DIAPH2: variants seen among roughly 807,000 people sequenced by gnomAD.
DIAPH2 encodes protein diaphanous homolog 2.
DIAPH2 carries 35 observed loss-of-function variants against 92.7 expected under a neutral mutation model. The ratio of observed to expected loss-of-function variants is 0.38; its 90% CI spans 0.29 to 0.50. The LOEUF is 0.50. Among genes scored for constraint, DIAPH2 ranks in the 20% least tolerant of loss-of-function variants. The probability of loss-of-function intolerance (pLI) is 0.94; values close to 1 mark genes in which losing one functional copy is unlikely to be tolerated. For synonymous variants in DIAPH2, 301 were observed against 280.4 expected, an observed-to-expected ratio of 1.07 and a Z score of -0.73; for missense variants, 701 against 819.5, an observed-to-expected ratio of 0.86 and a Z score of 1.77.
At chrX:96,687,835 G>C (rs2063779422) in intron 1 of DIAPH2, among the ~76,000 whole-genome samples, 1 of 110,800 alleles carries the variant, frequency 9.0e-6, no homozygotes, top group Admixed American at 9.6e-5. Context: ...TCCTCATAAT[G>C]ACCCTTTTGT....
At chrX:96,753,171 T>G (rs1327227614) in intron 3 of DIAPH2, among the ~76,000 whole-genome samples, 2 of 111,993 alleles carry the variant, frequency 1.8e-5, no homozygotes, top group Admixed American at 1.9e-4. Flanking sequence ...GTTCCAGAGT[T>G]GATTCTACTT....
At chrX:97,173,567 G>T (rs371934908) in intron 22 of DIAPH2, among the ~76,000 whole-genome samples, 1 of 111,266 alleles carries the variant, frequency 9.0e-6, no homozygotes, top group East Asian at 2.8e-4. Flanking sequence ...CCTTTTGATT[G>T]AGTATTCACA....
At chrX:97,377,942 A>G (rs1030188213) in intron 24 of DIAPH2, among the ~76,000 whole-genome samples, 12 of 111,108 alleles carry the variant, frequency 1.1e-4, no homozygotes, top group African/African-American at 3.3e-4. Flanking sequence ...CGACTGAAAG[A>G]AACAATTTAA....
chrX:96,707,311 G>A (rs922644452), intron 1 of DIAPH2, among the ~76,000 whole-genome samples: 3 of 108,372 alleles, frequency 2.8e-5, no homozygotes, highest in African/African-American at 1.0e-4. Flanking sequence ...TGGGATTACA[G>A]GTGTCCGCCA....
At chrX:97,471,393 C>A (rs2070560618) in intron 26 of DIAPH2, among the ~76,000 whole-genome samples, 1 of 111,403 alleles carries the variant, frequency 9.0e-6, no homozygotes, top group African/African-American at 3.3e-5. Flanking sequence ...TTGAAACTGG[C>A]AATGAAGAAA....
intron 22 of DIAPH2, among the ~76,000 whole-genome samples, chrX:97,190,948 C>G (rs2067647810): frequency 9.0e-6 from 1 of 110,623 alleles, no homozygotes; most frequent in African/African-American, 3.3e-5. Context: ...TCTCCTAATC[C>G]CATAAAGTCC....
At chrX:97,558,014 G>C (rs2071269141) in intron 26 of DIAPH2, among the ~76,000 whole-genome samples, 2 of 112,378 alleles carry the variant, frequency 1.8e-5, no homozygotes, top group African/African-American at 6.5e-5. Context: ...GTCAATGCTA[G>C]TTCCTAGACA....
intron 26 of DIAPH2, among the ~76,000 whole-genome samples, chrX:97,488,993 A>T (rs1276164993): frequency 1.8e-5 from 2 of 112,025 alleles, no homozygotes; most frequent in African/African-American, 3.2e-5. Flanking sequence ...TGCCATTGGG[A>T]CATTTAAAGG....
At chrX:96,836,718 T>TATATATATATATATATA (rs58380012) in intron 4 of DIAPH2, among the ~76,000 whole-genome samples, 2 of 15,355 alleles carry the variant, frequency 1.3e-4, no homozygotes, top group African/African-American at 6.0e-4. Flanking sequence ...TATATATATA[T>TATATATATATATATATA]TTTTTTTTTT....
At chrX:97,097,114 C>T (rs1182654673) in intron 19 of DIAPH2, among the ~76,000 whole-genome samples, 2 of 111,363 alleles carry the variant, frequency 1.8e-5, no homozygotes, top group East Asian at 5.6e-4. Context: ...ATCTTCCTTC[C>T]TCTTTTATTT....
chrX:96,761,917 A>G (rs892037195), intron 4 of DIAPH2, among the ~76,000 whole-genome samples: 1 of 111,585 alleles, frequency 9.0e-6, no homozygotes, highest in Non-Finnish European at 1.9e-5. Flanking sequence ...CTACTGAATG[A>G]ATATTTAAGA....
At chrX:97,247,985 T>G (rs1329799798) in intron 23 of DIAPH2, 146 bp downstream of exon 23, 16 of 522,567 alleles carry the variant, frequency 3.1e-5, no homozygotes, top group Non-Finnish European at 4.6e-5. Context: ...ATTAGTAGCA[T>G]AAATTTTGTT....
intron 25 of DIAPH2, among the ~76,000 whole-genome samples, chrX:97,408,857 A>T (rs1162667505): frequency 8.9e-6 from 1 of 112,290 alleles, no homozygotes; most frequent in Admixed American, 9.5e-5. Flanking sequence ...GGTATGTACA[A>T]AATGATAAAG....
chrX:97,129,830 A>G (rs955786922), intron 21 of DIAPH2, among the ~76,000 whole-genome samples: 7 of 111,482 alleles, frequency 6.3e-5, no homozygotes, highest in Admixed American at 2.9e-4. Context: ...GGCAACCCAC[A>G]GAATGGGAGA....
chrX:96,912,362 C>A lies in DIAPH2; in HGVS notation c.622C>A (p.Leu208Ile). ...CAACTTTGGCCATGAAGGTCTTGGA[C>A]TCTTATTGGATGAGCTGGAAAAGCT... ...VNNFGHEGLG[L>I]LLDELEKLLD... is the part of the protein sequence containing the mutation. The change falls in exon 6 of 27, where the codon CTC (leucine) becomes ATC (isoleucine). Residue 208 changes from leucine to isoleucine, a missense_variant. Physicochemically the swap from Leu to Ile is conservative, Grantham distance 5. Coordinates refer to ENST00000324765, the MANE Select transcript of DIAPH2 (RefSeq NM_006729.5). 8.3e-7 allele frequency: 1 copy of A among 1,202,203 alleles called. No individual in the cohort carries two copies. Among genetic ancestry groups the A allele is most frequent in the Non-Finnish European group, 1.1e-6 (1 of 890,230 alleles).
intron 5 of DIAPH2, among the ~76,000 whole-genome samples, chrX:96,890,203 G>C (rs776902606): frequency 4.1e-4 from 46 of 110,870 alleles, no homozygotes; most frequent in Non-Finnish European, 8.2e-4. Flanking sequence ...CCTTGGTCCA[G>C]TCAATGGACC....
At chrX:97,139,031 A>G (rs2067191992) in intron 21 of DIAPH2, among the ~76,000 whole-genome samples, 1 of 111,476 alleles carries the variant, frequency 9.0e-6, no homozygotes, top group Non-Finnish European at 1.9e-5. Flanking sequence ...TAACTCAAAC[A>G]TTTTGGAAAT....
chrX:97,275,878 C>T (rs1164813636), intron 23 of DIAPH2, among the ~76,000 whole-genome samples: 6 of 112,298 alleles, frequency 5.3e-5, no homozygotes, highest in African/African-American at 1.6e-4. Context: ...GACTGGGTGG[C>T]GGCCGGGCAG....
chrX:96,983,515 T>C (rs2066011197), intron 17 of DIAPH2, among the ~76,000 whole-genome samples: 1 of 112,342 alleles, frequency 8.9e-6, no homozygotes, highest in African/African-American at 3.2e-5. Context: ...CTCTCTTAAA[T>C]TGTTTAATAA....
Sources: allele counts gnomAD v4.1 joint callset (sites outside exome capture counted in the v4.1 genomes callset), GRCh38; gene constraint gnomAD v4.1.1; transcripts MANE v1.5; gene names NCBI Gene and HGNC (gene_info 2026-07-23, HGNC 2026-07-21).